Variants in UMAD1 observed in about 807,000 individuals in gnomAD.
UMAD1 encodes UBAP1-MVB12-associated (UMA)-domain containing protein 1.
In UMAD1, 8 loss-of-function variants were observed where a neutral mutation model predicts 6.1. That is an observed-to-expected ratio of 1.30 (90% CI 0.76 to 2.35). UMAD1 has a LOEUF of 2.35. Among genes scored for constraint, UMAD1 ranks in the 30% most tolerant of loss-of-function variants. The probability of loss-of-function intolerance (pLI) is 0.00; values close to 1 mark genes in which losing one functional copy is unlikely to be tolerated. For synonymous variants in UMAD1, 56 were observed against 31.4 expected (o/e 1.78, Z -2.61); for missense variants, 130 against 78.4 (o/e 1.66, Z -2.49).
intron 2 of UMAD1, among the ~76,000 whole-genome samples, chr7:7,767,225 C>T (rs955061233): frequency 6.0e-5 from 9 of 150,820 alleles, no homozygotes; most frequent in African/African-American, 1.2e-4. Flanking sequence ...CCCGGGTTCA[C>T]GCCATTCTCC....
intron 1 of UMAD1, among the ~76,000 whole-genome samples, chr7:7,649,876 C>T (rs1785186291): frequency 6.6e-6 from 1 of 152,192 alleles, no homozygotes; most frequent in South Asian, 2.1e-4. Context: ...AGATCCCTTG[C>T]TCCTTCAACC....
At chr7:7,709,941 C>T (rs999168196) in intron 2 of UMAD1, among the ~76,000 whole-genome samples, 1 of 152,068 alleles carries the variant, frequency 6.6e-6, no homozygotes, top group Admixed American at 6.6e-5. Flanking sequence ...TCTTTAAATT[C>T]TGCTTTTTTG....
At chr7:7,746,328 A>G (rs1781574266) in intron 2 of UMAD1, among the ~76,000 whole-genome samples, 1 of 152,232 alleles carries the variant, frequency 6.6e-6, no homozygotes, top group South Asian at 2.1e-4. Flanking sequence ...CAAATGCAGA[A>G]AATGATATAG....
chr7:7,808,352 C>T (rs1406882560), intron 3 of UMAD1, among the ~76,000 whole-genome samples: 2 of 151,904 alleles, frequency 1.3e-5, no homozygotes, highest in Non-Finnish European at 2.9e-5. Flanking sequence ...GAGTTTTTGC[C>T]ATTATGACTC....
At chr7:7,793,340 T>C (rs973502830) in intron 2 of UMAD1, among the ~76,000 whole-genome samples, 2 of 152,200 alleles carry the variant, frequency 1.3e-5, no homozygotes, top group Non-Finnish European at 2.9e-5. Flanking sequence ...CTTTCCACAG[T>C]GCCAGGCTGC....
chr7:7,672,859 A>G (rs1779641134), intron 1 of UMAD1, among the ~76,000 whole-genome samples: 1 of 152,120 alleles, frequency 6.6e-6, no homozygotes, highest in East Asian at 1.9e-4. Flanking sequence ...TCAGTAGGGG[A>G]TGTTTGATGT....
At position 7,858,595 on chromosome 7, in the gene UMAD1, A is replaced by T. The variant is rs574131857; in HGVS notation, c.157-18686A>T. On this transcript the variant is annotated intron_variant, in intron 3 of 3. Coordinates refer to ENST00000682710, the MANE Select transcript of UMAD1 (RefSeq NM_001302348.2). ...AGAAACTTTGGTGAAATACGTAATCATCTGGGTCCTAGAGAGCTGTGTGAT... is the reference window on the plus strand; with the variant it reads ...AGAAACTTTGGTGAAATACGTAATCTTCTGGGTCCTAGAGAGCTGTGTGAT... 2.0e-5 allele frequency among the ~76,000 whole-genome samples: 3 copies of T among 152,334 alleles called. No individual in the cohort carries two copies. In the South Asian group the frequency reaches 6.2e-4, roughly 32 times the overall value.
intron 3 of UMAD1, among the ~76,000 whole-genome samples, chr7:7,866,840 G>C (rs1784237716): frequency 6.6e-6 from 1 of 152,176 alleles, no homozygotes; most frequent in Non-Finnish European, 1.5e-5. Flanking sequence ...CAAGTGGTAG[G>C]GAGAGTGTAG....
rs113267992 is a variant in UMAD1, at chr7:7,705,670, G to T, written c.82+32217G>T. Among the ~76,000 whole-genome samples, 437 of 152,228 alleles carry T rather than the reference G, an allele frequency of 2.9e-3. 1 individual carries two copies. The highest frequency in any genetic ancestry group is 0.01 in the African/African-American group (423 of 41,540). On this transcript the variant is annotated intron_variant, in intron 2 of 3. Coordinates refer to ENST00000682710, the MANE Select transcript of UMAD1 (RefSeq NM_001302348.2). ...ATAAACAGAGAACTGAATGTTTTTA[G>T]GATTTTTAGGGTAGTGAAACTACTC...
At chr7:7,716,957 A>G (rs1780925007) in intron 2 of UMAD1, among the ~76,000 whole-genome samples, 1 of 151,472 alleles carries the variant, frequency 6.6e-6, no homozygotes, top group African/African-American at 2.4e-5. Flanking sequence ...CTCCTATAAA[A>G]CCAACCTCTT....
At chr7:7,810,356 ATTCTG>A (rs1054692672) in intron 3 of UMAD1, among the ~76,000 whole-genome samples, 6 of 152,076 alleles carry the variant, frequency 3.9e-5, no homozygotes, top group African/African-American at 1.4e-4. Context: ...CACTTTTAGG[ATTCTG>A]TTCTAAGAAA....
At chr7:7,814,690 T>G (rs989113053) in intron 3 of UMAD1, among the ~76,000 whole-genome samples, 3 of 152,230 alleles carry the variant, frequency 2.0e-5, no homozygotes, top group African/African-American at 7.2e-5. Context: ...ACATAACCTC[T>G]AATTTTAATC....
In UMAD1 at chr7:7,640,817, C is replaced by T. The variant is rs1483372963; in HGVS notation, c.-68C>T. 1 of 201,560 alleles carries T rather than the reference C, an allele frequency of 5.0e-6. No homozygotes were observed. Among genetic ancestry groups the T allele is most frequent in the East Asian group, 1.6e-4 (1 of 6,304 alleles). 12.5% of individuals were successfully genotyped at this position (201,560 alleles called of 1,614,324 possible). A position where few individuals can be genotyped will look rare whatever the true frequency, so the allele number is the denominator to read the frequency against. ...TGCGGCGGGGGACTGCGGGGCCAGC[C>T]TCAGGTACCTCGTCTCGCGGGAGGC... On this transcript the variant is annotated 5_prime_UTR_variant, in exon 1 of 4. Transcript: ENST00000682710.
chr7:7,805,285 G>C (rs1000552317), intron 3 of UMAD1, among the ~76,000 whole-genome samples: 1 of 152,028 alleles, frequency 6.6e-6, no homozygotes, highest in Non-Finnish European at 1.5e-5. Context: ...GAGCCTCTCT[G>C]TGCCCAAGTT....
At chr7:7,693,736 G>A (rs192825179) in intron 2 of UMAD1, among the ~76,000 whole-genome samples, 70 of 151,970 alleles carry the variant, frequency 4.6e-4, no homozygotes, top group African/African-American at 1.5e-3. Flanking sequence ...TTATATGAAC[G>A]TGAAGTTTTA....
At chr7:7,695,981 G>GT (rs34880729) in intron 2 of UMAD1, among the ~76,000 whole-genome samples, 44,559 of 130,596 alleles carry the variant, frequency 0.34, 7,797 homozygotes, top group African/African-American at 0.43. Flanking sequence ...GTATATCTCC[G>GT]TTTTTTTTTT....
intron 2 of UMAD1, among the ~76,000 whole-genome samples, chr7:7,782,533 ATTT>A (rs200856113): frequency 6.6e-6 from 1 of 151,744 alleles, no homozygotes; most frequent in Non-Finnish European, 1.5e-5. Context: ...AATTTTTAAA[ATTT>A]TTTTTATTTT....
chr7:7,690,169 T>C (rs770813816), intron 2 of UMAD1, among the ~76,000 whole-genome samples: 13 of 152,234 alleles, frequency 8.5e-5, no homozygotes, highest in Admixed American at 2.6e-4. Flanking sequence ...GCAATTCTGC[T>C]GATGATAATG....
intron 2 of UMAD1, chr7:7,689,577 T>C (rs1417013217): frequency 6.6e-6 from 1 of 152,216 alleles, no homozygotes; most frequent in Non-Finnish European, 1.5e-5. Context: ...GCTATCTCCC[T>C]GGATAATCTT....
Sources: gnomAD v4.1 joint callset for allele counts (sites outside exome capture counted in the v4.1 genomes callset) on GRCh38, gnomAD v4.1.1 for gene constraint, MANE v1.5 for transcripts, NCBI Gene and HGNC (gene_info 2026-07-23, HGNC 2026-07-21) for gene names.